The following SEMA6D variants were observed in gnomAD, a reference collection of about 807,000 sequenced individuals.
SEMA6D encodes the protein semaphorin-6D.
A neutral mutation model predicts 106.6 loss-of-function variants in SEMA6D; 35 were observed. The observed-to-expected ratio is 0.33, with a 90% CI of 0.25 to 0.44. The LOEUF (loss-of-function observed/expected upper bound fraction) is 0.44. Among genes scored for constraint, SEMA6D ranks in the 20% least tolerant of loss-of-function variants. The pLI is 1.00. For missense variants in SEMA6D, 1,185 were observed against 1,345.9 expected (o/e 0.88, Z 1.87); for synonymous variants, 499 against 487.7 (o/e 1.02, Z -0.31).
rs569071655 is a variant in SEMA6D at position 47,245,727 on chromosome 15, A to C, written c.-239+61309A>C. ...CAAATTGGTGATCTTTGTGATGCTTATTCTGAAATTTTGATCCTCTTGTTT... is the reference window on the plus strand; with the variant it reads ...CAAATTGGTGATCTTTGTGATGCTTCTTCTGAAATTTTGATCCTCTTGTTT... On this transcript the variant is annotated intron_variant, in intron 1 of 19. Transcript: ENST00000558014. Among the ~76,000 whole-genome samples the C allele has an allele frequency of 1.4e-4, 22 of 152,302 alleles. No homozygotes were observed. The South Asian group carries it at 4.4e-3, about 30-fold the overall frequency.
At chr15:47,666,186 A>G (rs971023933) in intron 4 of SEMA6D, among the ~76,000 whole-genome samples, 1 of 152,214 alleles carries the variant, frequency 6.6e-6, no homozygotes, top group African/African-American at 2.4e-5. Flanking sequence ...ACAAACTTCT[A>G]TTCAGATTTC....
chr15:47,751,327 A>G (rs1404640576), intron 1 of SEMA6D, among the ~76,000 whole-genome samples: 2 of 152,152 alleles, frequency 1.3e-5, no homozygotes, highest in African/African-American at 4.8e-5. Flanking sequence ...GATAGGCTCC[A>G]AGGTATAGCA....
chr15:47,469,496 G>A (rs2042767519), intron 2 of SEMA6D, among the ~76,000 whole-genome samples: 1 of 152,154 alleles, frequency 6.6e-6, no homozygotes, highest in African/African-American at 2.4e-5. Context: ...AGTACTGTTA[G>A]ATTAACAACT....
intron 4 of SEMA6D, among the ~76,000 whole-genome samples, chr15:47,654,565 C>A (rs77609223): frequency 5.3e-5 from 8 of 152,040 alleles, no homozygotes; most frequent in Admixed American, 5.2e-4. Context: ...ATTGTAATTC[C>A]CAATGTTGGC....
chr15:47,383,358 G>A (rs1468864454), intron 1 of SEMA6D, among the ~76,000 whole-genome samples: 2 of 152,176 alleles, frequency 1.3e-5, no homozygotes, highest in Non-Finnish European at 2.9e-5. Flanking sequence ...AGTACAGGAG[G>A]ATGTGAGACG....
At chr15:47,565,385 G>A (rs1185850693) in intron 3 of SEMA6D, among the ~76,000 whole-genome samples, 1 of 152,210 alleles carries the variant, frequency 6.6e-6, no homozygotes, top group Non-Finnish European at 1.5e-5. Context: ...GGGGCCAGCT[G>A]GTTCCAGCAC....
intron 4 of SEMA6D, among the ~76,000 whole-genome samples, chr15:47,673,269 G>A (rs1224477103): frequency 6.6e-6 from 1 of 152,166 alleles, no homozygotes; most frequent in African/African-American, 2.4e-5. Context: ...TCTTCTTTCT[G>A]AAATAATATT....
intron 3 of SEMA6D, among the ~76,000 whole-genome samples, chr15:47,507,099 C>G (rs2044066968): frequency 6.6e-6 from 1 of 152,214 alleles, no homozygotes; most frequent in African/African-American, 2.4e-5. Context: ...TGCATTTCCC[C>G]AGGGCATTAC....
At chr15:47,735,203 A>G (rs879709047) in intron 1 of SEMA6D, among the ~76,000 whole-genome samples, 2 of 152,242 alleles carry the variant, frequency 1.3e-5, no homozygotes, top group African/African-American at 4.8e-5. Context: ...GCACTAACCA[A>G]TCAAAACAGA....
intron 1 of SEMA6D, among the ~76,000 whole-genome samples, chr15:47,749,394 CT>C (rs2081312271): frequency 6.6e-6 from 1 of 152,164 alleles, no homozygotes; most frequent in East Asian, 1.9e-4. Flanking sequence ...TTACTGGACT[CT>C]TGTCAGGCGC....
chr15:47,276,513 T>C (rs1156859225), intron 1 of SEMA6D, among the ~76,000 whole-genome samples: 1 of 152,180 alleles, frequency 6.6e-6, no homozygotes, highest in African/African-American at 2.4e-5. Flanking sequence ...AACTCTGCTC[T>C]GTTTGTGCTC....
intron 1 of SEMA6D, among the ~76,000 whole-genome samples, chr15:47,280,401 A>G (rs933483974): frequency 1.5e-4 from 22 of 150,460 alleles, no homozygotes; most frequent in African/African-American, 5.4e-4. Flanking sequence ...TGTTGTGTCT[A>G]TTTGATTCTT....
intron 3 of SEMA6D, among the ~76,000 whole-genome samples, chr15:47,473,995 C>T (rs74011471): frequency 0.025 from 3,776 of 152,130 alleles, 144 homozygotes; most frequent in African/African-American, 0.076. Flanking sequence ...CCAGGGGAGC[C>T]GGAAGCCTGG....
chr15:47,763,030 C>T lies in SEMA6D; in HGVS notation c.673C>T (p.His225Tyr), dbSNP rs1215333020. The change falls in exon 9 of 19, where the codon CAT becomes TAT. Residue 225 changes from histidine to tyrosine, a missense_variant. His to Tyr is a moderately conservative substitution (Grantham distance 83, BLOSUM62 2). Transcript: ENST00000536845. ...TTTTCTTTCAGAGCCACACTTTCTT[C>T]ATGCCATAGAATATGGAAACTATGT... ...SKWIKEPHFL[H>Y]AIEYGNYVYF... 6.2e-7 allele frequency: 1 copy of T among 1,610,592 alleles called. No individual in the cohort carries two copies. Among genetic ancestry groups the T allele is most frequent in the African/African-American group, 1.3e-5 (1 of 74,858 alleles).
At chr15:47,686,461 A>G (rs2078471186) in intron 4 of SEMA6D, among the ~76,000 whole-genome samples, 1 of 152,254 alleles carries the variant, frequency 6.6e-6, no homozygotes, top group Non-Finnish European at 1.5e-5. Flanking sequence ...ACCTTCTGCA[A>G]GAAAAGCCAT....
chr15:47,297,549 C>T (rs2035853725), intron 1 of SEMA6D, among the ~76,000 whole-genome samples: 1 of 152,186 alleles, frequency 6.6e-6, no homozygotes, highest in Non-Finnish European at 1.5e-5. Context: ...TTTATTTACT[C>T]ATTCGTTGAA....
At chr15:47,245,655 C>G (rs978092950) in intron 1 of SEMA6D, among the ~76,000 whole-genome samples, 2 of 152,128 alleles carry the variant, frequency 1.3e-5, no homozygotes, top group Non-Finnish European at 2.9e-5. Flanking sequence ...CTTTCATGAA[C>G]CTGCCAATTT....
intron 1 of SEMA6D, among the ~76,000 whole-genome samples, chr15:47,370,051 C>T (rs1208287533): frequency 6.6e-6 from 1 of 152,202 alleles, no homozygotes; most frequent in African/African-American, 2.4e-5. Context: ...GTAGAACTCA[C>T]ACATAAACCA....
intron 4 of SEMA6D, among the ~76,000 whole-genome samples, chr15:47,633,028 T>A (rs1186962410): frequency 6.6e-6 from 1 of 152,068 alleles, no homozygotes; most frequent in Non-Finnish European, 1.5e-5. Flanking sequence ...AAATCTTATT[T>A]TCACTTAGGT....
Sources: gnomAD v4.1 joint callset for allele counts (sites outside exome capture counted in the v4.1 genomes callset) on GRCh38, gnomAD v4.1.1 for gene constraint, MANE v1.5 for transcripts, NCBI Gene and HGNC (gene_info 2026-07-23, HGNC 2026-07-21) for gene names.